Variants in NEDD9 observed in about 807,000 individuals in gnomAD.
NEDD9 encodes the protein enhancer of filamentation 1.
Under a neutral mutation model 76.6 loss-of-function variants are expected in NEDD9, and 26 were observed. That is an observed-to-expected ratio of 0.34 (90% CI 0.25 to 0.47). The LOEUF (loss-of-function observed/expected upper bound fraction) is 0.47, where lower values mean the gene tolerates loss of function less well. Among genes scored for constraint, NEDD9 ranks in the 20% least tolerant of loss-of-function variants. NEDD9 has a pLI of 1.00. For synonymous variants in NEDD9, 392 were observed against 414.2 expected (o/e 0.95, Z 0.65); for missense variants, 937 against 1,058.5 (o/e 0.89, Z 1.59).
intron 1 of NEDD9, among the ~76,000 whole-genome samples, chr6:11,381,515 A>G (rs1186183666): frequency 6.6e-6 from 1 of 152,252 alleles, no homozygotes; most frequent in Admixed American, 6.5e-5. Context: ...GAAGAAATGA[A>G]TGAATGGGCT....
chr6:11,248,046 T>TA lies in NEDD9; in HGVS notation c.13-34320dup, dbSNP rs573936936. ...GGTTTTTTTAAAACTCATAAAGAGT[T>TA]AAAAAAAGCTCTTCATTTTAAAGAG... is the stretch of plus-strand genomic sequence containing the variant. On this transcript the variant is annotated intron_variant, in intron 3 of 3. Transcript: ENST00000397378. Among the ~76,000 whole-genome samples, 332 of 152,182 alleles carry TA rather than the reference T, an allele frequency of 2.2e-3. 1 individual carries two copies. Among genetic ancestry groups the TA allele is most frequent in the African/African-American group, 7.2e-3 (301 of 41,522 alleles).
intron 3 of NEDD9, among the ~76,000 whole-genome samples, chr6:11,240,667 G>T (rs1229094878): frequency 6.6e-6 from 1 of 152,090 alleles, no homozygotes; most frequent in South Asian, 2.1e-4. Flanking sequence ...TCAAAGAATT[G>T]AAAAACGTTG....
intron 1 of NEDD9, among the ~76,000 whole-genome samples, chr6:11,227,522 T>C (rs970047489): frequency 3.9e-5 from 6 of 152,208 alleles, no homozygotes; most frequent in Non-Finnish European, 7.3e-5. Flanking sequence ...AGAAATGCCT[T>C]TCTTCAAAGC....
chr6:11,233,365 A>G (rs1338396190), upstream of NEDD9: 2 of 518,914 alleles, frequency 3.9e-6, no homozygotes, highest in Non-Finnish European at 7.7e-6. Flanking sequence ...GTTGCGGGTC[A>G]CACATATTGA....
intron 2 of NEDD9, among the ~76,000 whole-genome samples, chr6:11,203,378 A>G (rs904869752): frequency 6.6e-6 from 1 of 152,220 alleles, no homozygotes; most frequent in Admixed American, 6.5e-5. Context: ...TTTTAGAGAG[A>G]TGCCCACAGA....
At position 11,251,055 on chromosome 6, in the gene NEDD9, A is replaced by C. The variant is rs569327116; in HGVS notation, c.13-37328T>G. On this transcript the variant is annotated intron_variant, in intron 3 of 3. Coordinates refer to the NEDD9 transcript ENST00000397378. ...GGGGTATAGGATAAGTGGCTGTTTAATTTGAGCTTTAAAGAAATATAACCT... is the reference window on the plus strand; with the variant it reads ...GGGGTATAGGATAAGTGGCTGTTTACTTTGAGCTTTAAAGAAATATAACCT... Among the ~76,000 whole-genome samples the C allele has an allele frequency of 2.6e-5, 4 of 152,350 alleles. No homozygotes were observed. The East Asian group carries it at 7.7e-4, about 29-fold the overall frequency.
At chr6:11,363,090 T>G (rs1762705299) in intron 1 of NEDD9, among the ~76,000 whole-genome samples, 2 of 152,202 alleles carry the variant, frequency 1.3e-5, no homozygotes, top group African/African-American at 4.8e-5. Flanking sequence ...CTAAATTGGT[T>G]GCAGTCAATG....
At chr6:11,278,796 C>T (rs901867201) in intron 3 of NEDD9, among the ~76,000 whole-genome samples, 5 of 152,054 alleles carry the variant, frequency 3.3e-5, no homozygotes, top group African/African-American at 1.2e-4. Flanking sequence ...AGCATGCTGC[C>T]AACATTCAGA....
At chr6:11,235,942 G>C (rs887050934), upstream of NEDD9, among the ~76,000 whole-genome samples, 2 of 152,094 alleles carry the variant, frequency 1.3e-5, no homozygotes, top group African/African-American at 4.8e-5. This position sits in a 1 kb window ranked among gnomAD's most constrained non-coding sequence, Gnocchi z 4.1. Flanking sequence ...GTTTCTCTCC[G>C]GTTTGTTAAA....
At chr6:11,248,611 C>T (rs998919444) in intron 3 of NEDD9, among the ~76,000 whole-genome samples, 1 of 152,222 alleles carries the variant, frequency 6.6e-6, no homozygotes, top group Non-Finnish European at 1.5e-5. Context: ...GCTGGCTGCT[C>T]AGGGTCCTGG....
intron 2 of NEDD9, among the ~76,000 whole-genome samples, chr6:11,193,953 G>A (rs1229497006): frequency 6.6e-6 from 1 of 151,210 alleles, no homozygotes; most frequent in Admixed American, 6.6e-5. Context: ...TCTGCCTCCC[G>A]GGTTCAAGTG....
intron 2 of NEDD9, among the ~76,000 whole-genome samples, chr6:11,309,592 C>T (rs1051722390): frequency 5.3e-5 from 8 of 152,150 alleles, no homozygotes; most frequent in African/African-American, 1.7e-4. Flanking sequence ...CCAAAGTGGT[C>T]GTATCAATCG....
intron 3 of NEDD9, among the ~76,000 whole-genome samples, chr6:11,287,015 C>G (rs934451842): frequency 7.2e-5 from 11 of 152,176 alleles, no homozygotes; most frequent in African/African-American, 2.7e-4. Flanking sequence ...TCATGGTTAT[C>G]TGGTTGGGCT....
At chr6:11,202,547 A>G (rs960788254) in intron 2 of NEDD9, among the ~76,000 whole-genome samples, 4 of 152,232 alleles carry the variant, frequency 2.6e-5, no homozygotes, top group African/African-American at 9.6e-5. Flanking sequence ...TTAAAATCCA[A>G]GAGTACTAGT....
At chr6:11,319,532 TAACATGCGGA>T (rs1761701135) in intron 2 of NEDD9, among the ~76,000 whole-genome samples, 1 of 96,676 alleles carries the variant, frequency 1.0e-5, no homozygotes. Flanking sequence ...ACACTCACAC[TAACATGCGGA>T]CACACACTAA....
intron 3 of NEDD9, among the ~76,000 whole-genome samples, chr6:11,270,365 AC>A (rs1393472910): frequency 2.1e-5 from 3 of 143,348 alleles, no homozygotes; most frequent in Non-Finnish European, 4.5e-5. Flanking sequence ...CCTCCCCTCA[AC>A]CTTTTTTTTT....
chr6:11,300,659 G>A (rs1254507622), intron 3 of NEDD9, among the ~76,000 whole-genome samples: 1 of 152,112 alleles, frequency 6.6e-6, no homozygotes, highest in Non-Finnish European at 1.5e-5. Flanking sequence ...ACTAACAGCG[G>A]ATCTGTTGGC....
At chr6:11,355,010 A>T (rs531527750) in intron 1 of NEDD9, among the ~76,000 whole-genome samples, 135 of 152,362 alleles carry the variant, frequency 8.9e-4, no homozygotes, top group African/African-American at 2.9e-3. Context: ...ACCCAAGCTG[A>T]CATACTCCAT....
upstream of NEDD9, among the ~76,000 whole-genome samples, chr6:11,235,055 A>G (rs1002233805): frequency 5.3e-4 from 81 of 152,276 alleles, 1 homozygote; most frequent in African/African-American, 1.9e-3. This position sits in a 1 kb window ranked among gnomAD's most constrained non-coding sequence, Gnocchi z 4.1. Context: ...TGAAATAGAG[A>G]AAATAATAAT....
Sources: allele counts gnomAD v4.1 joint callset (sites outside exome capture counted in the v4.1 genomes callset), GRCh38; gene constraint gnomAD v4.1.1; non-coding constraint Gnocchi (gnomAD v3.1); transcripts MANE v1.5; gene names NCBI Gene and HGNC (gene_info 2026-07-23, HGNC 2026-07-21).